Variants in CELF2 observed in about 807,000 individuals in gnomAD.
The protein encoded by CELF2 is CUG triplet repeat RNA-binding protein 2.
A neutral mutation model predicts 62.6 loss-of-function variants in CELF2; 8 were observed. The observed-to-expected ratio is 0.13, with a 90% CI of 0.07 to 0.23. CELF2 has a LOEUF of 0.23. Among genes scored for constraint, CELF2 ranks in the 10% least tolerant of loss-of-function variants. CELF2 has a pLI of 1.00. For missense variants in CELF2, 333 were observed against 671.0 expected, an observed-to-expected ratio of 0.50 and a Z score of 5.56; for synonymous variants, 258 against 250.0, an observed-to-expected ratio of 1.03 and a Z score of -0.30.
At chr10:10,727,495 G>T in the CELF2 span, among the ~76,000 whole-genome samples, 1 of 152,116 alleles carries the variant, frequency 6.6e-6, no homozygotes, top group African/African-American at 2.4e-5. Context: ...AGAAAAACAG[G>T]GCCGGGCGCG....
chr10:11,283,617 T>G, intron 8 of CELF2, among the ~76,000 whole-genome samples: 1 of 136,718 alleles, frequency 7.3e-6, no homozygotes, highest in Non-Finnish European at 1.6e-5. Flanking sequence ...GGCTGAATGA[T>G]GGATGGGTGG....
chr10:10,917,891 T>C (rs1437360928), intron 1 of CELF2: 1 of 152,202 alleles, frequency 6.6e-6, no homozygotes, highest in African/African-American at 2.4e-5. Context: ...GGATTTATTA[T>C]AATGTATGAA....
intron 2 of CELF2, among the ~76,000 whole-genome samples, chr10:11,209,051 T>C (rs987967993): frequency 5.3e-5 from 8 of 152,226 alleles, no homozygotes; most frequent in South Asian, 2.1e-4. Flanking sequence ...TCTGATCTTC[T>C]TGGAGGTTCT....
intron 1 of CELF2, among the ~76,000 whole-genome samples, chr10:10,881,721 C>CA (rs1376240113): frequency 1.3e-5 from 2 of 150,368 alleles, no homozygotes; most frequent in African/African-American, 4.9e-5. Flanking sequence ...AGTCATCTCT[C>CA]AGAGTCCACC....
chr10:10,510,668 A>G, the CELF2 span, among the ~76,000 whole-genome samples: 7 of 152,204 alleles, frequency 4.6e-5, no homozygotes, highest in Non-Finnish European at 1.0e-4. Flanking sequence ...CTTACATTCT[A>G]ATAGCTGTAG....
At chr10:11,103,315 T>C (rs1293556626) in intron 1 of CELF2, among the ~76,000 whole-genome samples, 1 of 145,986 alleles carries the variant, frequency 6.8e-6, no homozygotes, top group African/African-American at 2.6e-5. Context: ...CTCCGATGCT[T>C]TCTTGTACAT....
intron 11 of CELF2, 117 bp from the exon 12 acceptor site, chr10:11,325,719 C>CTGT: frequency 1.2e-6 from 1 of 841,808 alleles, no homozygotes; most frequent in Non-Finnish European, 1.8e-6. Flanking sequence ...ATTTATCCAT[C>CTGT]TGTTTGTTTG....
At chr10:11,312,463 C>T (rs1291760244) in intron 9 of CELF2, among the ~76,000 whole-genome samples, 1 of 152,214 alleles carries the variant, frequency 6.6e-6, no homozygotes, top group Non-Finnish European at 1.5e-5. Context: ...CATCTGGGTT[C>T]AGAGGGGGCT....
intron 1 of CELF2, among the ~76,000 whole-genome samples, chr10:10,876,494 C>T (rs2061101203): frequency 6.6e-6 from 1 of 152,124 alleles, no homozygotes; most frequent in South Asian, 2.1e-4. Context: ...TTTATTCTCA[C>T]CTGCCAGAGA....
intron 1 of CELF2, among the ~76,000 whole-genome samples, chr10:11,027,471 AGTC>A (rs2059406520): frequency 6.7e-6 from 1 of 149,740 alleles, no homozygotes; most frequent in Non-Finnish European, 1.5e-5. Context: ...CTGAGAGGCA[AGTC>A]GTTTTTTTTA....
intron 1 of CELF2, among the ~76,000 whole-genome samples, chr10:10,839,169 C>T (rs1204496652): frequency 6.6e-6 from 1 of 152,046 alleles, no homozygotes; most frequent in African/African-American, 2.4e-5. Flanking sequence ...ATATTAGAAA[C>T]CAAGACCTGG....
chr10:10,511,776 A>C, the CELF2 span, among the ~76,000 whole-genome samples: 1 of 152,362 alleles, frequency 6.6e-6, no homozygotes, highest in Middle Eastern at 3.4e-3. Context: ...TGTAAGAATC[A>C]GATGAATAAA....
intron 1 of CELF2, among the ~76,000 whole-genome samples, chr10:11,111,333 A>T (rs2055110314): frequency 6.6e-6 from 1 of 152,240 alleles, no homozygotes; most frequent in Admixed American, 6.5e-5. Context: ...ATTTAAAAGT[A>T]AAGTAGCTTC....
the CELF2 span, among the ~76,000 whole-genome samples, chr10:10,555,472 G>A: frequency 6.6e-6 from 1 of 152,104 alleles, no homozygotes; most frequent in Non-Finnish European, 1.5e-5. Flanking sequence ...TAAGATACTG[G>A]CAAACCCAAG....
Position 11,157,394 on chromosome 10 carries a change from A to C in CELF2, c.75-8092A>C, listed in dbSNP as rs11256998. Among the ~76,000 whole-genome samples, 22,479 of 126,306 alleles carry C rather than the reference A, an allele frequency of 0.18. 1,798 individuals are homozygous for C. The highest frequency in any genetic ancestry group is 0.21 in the Middle Eastern group (46 of 224). 82.9% of individuals were successfully genotyped at this position (126,306 alleles called of 152,430 possible). ...TGACTTTGATATCCGCCCTCCCCCC[A>C]CACACACACACACAAAAATTTCACT... On this transcript the variant is annotated intron_variant, in intron 1 of 12. Coordinates refer to ENST00000633077, the MANE Select transcript of CELF2 (RefSeq NM_001326342.2). This position sits in a 1 kb window ranked among gnomAD's most constrained non-coding sequence, Gnocchi z 4.9.
At chr10:11,134,155 C>G (rs1377946620) in intron 1 of CELF2, among the ~76,000 whole-genome samples, 2 of 152,166 alleles carry the variant, frequency 1.3e-5, no homozygotes, top group East Asian at 3.9e-4. Flanking sequence ...CTGAATGAAT[C>G]CCCAGCAAAG....
chr10:10,992,640 G>T (rs930439890), intron 2 of CELF2, among the ~76,000 whole-genome samples: 2 of 152,156 alleles, frequency 1.3e-5, no homozygotes, highest in African/African-American at 2.4e-5. Flanking sequence ...TCAGAAGAGG[G>T]TGTATTAGGG....
the CELF2 span, among the ~76,000 whole-genome samples, chr10:10,625,260 A>G: frequency 0.084 from 12,745 of 152,214 alleles, 779 homozygotes; most frequent in African/African-American, 0.17. Context: ...TATATTATCT[A>G]AGGGCAATTC....
chr10:11,219,176 C>T (rs2064106062), intron 3 of CELF2, among the ~76,000 whole-genome samples: 1 of 152,148 alleles, frequency 6.6e-6, no homozygotes, highest in African/African-American at 2.4e-5. Context: ...ATGTATTTAT[C>T]CCTCTACTAG....
Sources: gnomAD v4.1 joint callset for allele counts (sites outside exome capture counted in the v4.1 genomes callset) on GRCh38, gnomAD v4.1.1 for gene constraint, Gnocchi (gnomAD v3.1) non-coding constraint, MANE v1.5 for transcripts, NCBI Gene and HGNC (gene_info 2026-07-23, HGNC 2026-07-21) for gene names.